Variants in CTNNA2 observed in about 807,000 individuals in gnomAD.
CTNNA2 encodes catenin alpha-2.
Under a neutral mutation model 101.0 loss-of-function variants are expected in CTNNA2, and 42 were observed. The observed-to-expected ratio is 0.42, with a 90% confidence interval of 0.32 to 0.54. The LOEUF (loss-of-function observed/expected upper bound fraction) is 0.54, where lower values mean the gene tolerates loss of function less well. CTNNA2 is among the 20% of genes least tolerant of loss of function. The probability of loss-of-function intolerance (pLI) is 0.14; values close to 1 mark genes in which losing one functional copy is unlikely to be tolerated. For missense variants in CTNNA2, 871 were observed against 1,223.1 expected, an observed-to-expected ratio of 0.71 and a Z score of 4.29; for synonymous variants, 450 against 456.4, an observed-to-expected ratio of 0.99 and a Z score of 0.18.
At chr2:79,685,596 C>G (rs557263828) in intron 2 of CTNNA2, among the ~76,000 whole-genome samples, 10 of 152,210 alleles carry the variant, frequency 6.6e-5, no homozygotes, top group African/African-American at 2.2e-4. Context: ...AGTGTCCTTA[C>G]GGAGATAGCC....
chr2:79,210,189 G>A (rs1205228251), intron 2 of CTNNA2, among the ~76,000 whole-genome samples: 2 of 150,832 alleles, frequency 1.3e-5, no homozygotes, highest in Non-Finnish European at 2.9e-5. Flanking sequence ...TTAACATCTC[G>A]CACAATGTTG....
intron 2 of CTNNA2, among the ~76,000 whole-genome samples, chr2:79,741,734 CTTGT>C (rs1281816993): frequency 3.9e-5 from 6 of 152,008 alleles, no homozygotes; most frequent in African/African-American, 1.2e-4. Context: ...AGTAGTTGGA[CTTGT>C]TTGTCTTTCA....
At position 79,224,239 on chromosome 2, in the gene CTNNA2, C is replaced by A. The variant is rs1674381089; in HGVS notation, c.-406+26163C>A. Among the ~76,000 whole-genome samples, 3 of 152,052 alleles carry A rather than the reference C, an allele frequency of 2.0e-5. No homozygotes were observed. The South Asian group carries it at 6.2e-4, about 32-fold the overall frequency. ...ACAGCCTCAAATATTTTAATGATTC[C>A]TTTCCCATTAATGAGTAAGATCAAA... On this transcript the variant is annotated intron_variant, in intron 2 of 21. Coordinates refer to the CTNNA2 transcript ENST00000466387.
At chr2:79,558,199 G>A (rs988540515) in intron 1 of CTNNA2, among the ~76,000 whole-genome samples, 1 of 151,894 alleles carries the variant, frequency 6.6e-6, no homozygotes, top group African/African-American at 2.4e-5. Context: ...ATGCCCACAA[G>A]TGTTCTTAAG....
chr2:80,416,323 A>G (rs1680044021), intron 8 of CTNNA2, among the ~76,000 whole-genome samples: 1 of 152,208 alleles, frequency 6.6e-6, no homozygotes, highest in South Asian at 2.1e-4. Flanking sequence ...TCAAATCATC[A>G]TGTTATACAC....
intron 7 of CTNNA2, among the ~76,000 whole-genome samples, chr2:80,354,739 C>T (rs1302117427): frequency 6.6e-6 from 1 of 152,052 alleles, no homozygotes; most frequent in Non-Finnish European, 1.5e-5. Context: ...TAGAGCTGTT[C>T]TCTGGAAGTG....
At chr2:80,307,409 TC>T (rs1677132139) in intron 7 of CTNNA2, among the ~76,000 whole-genome samples, 1 of 152,102 alleles carries the variant, frequency 6.6e-6, no homozygotes, top group African/African-American at 2.4e-5. Flanking sequence ...CCACAGCAAG[TC>T]GATATGGCTG....
chr2:79,886,751 A>C (rs1356805106), intron 6 of CTNNA2, among the ~76,000 whole-genome samples: 5 of 28,624 alleles, frequency 1.7e-4, no homozygotes, highest in African/African-American at 2.4e-4. Flanking sequence ...ACTCCATCTC[A>C]AAAAAAAAAA....
chr2:79,419,027 C>G (rs751297784), intron 4 of CTNNA2, among the ~76,000 whole-genome samples: 22 of 151,182 alleles, frequency 1.5e-4, no homozygotes, highest in Non-Finnish European at 2.9e-4. Context: ...AGCTCTCACT[C>G]CTTTTGGAGC....
chr2:79,960,658 T>A (rs955011466), intron 7 of CTNNA2, among the ~76,000 whole-genome samples: 3 of 152,224 alleles, frequency 2.0e-5, no homozygotes, highest in Admixed American at 2.0e-4. Context: ...ACAAAGACCT[T>A]AAACATTACA....
rs116881814 is a variant in CTNNA2 at position 79,384,249 on chromosome 2, G to A, written c.-135+10236G>A. On this transcript the variant is annotated intron_variant, in intron 4 of 21. Transcript: ENST00000466387. ...TCCAGCTTAAACATCTCTTTTCTCAGTCTTAAAGTAACTACTGAATCTTCT... is the reference window on the plus strand; with the variant it reads ...TCCAGCTTAAACATCTCTTTTCTCAATCTTAAAGTAACTACTGAATCTTCT... Among the ~76,000 whole-genome samples the A allele has an allele frequency of 9.3e-3, 1,412 of 152,240 alleles. 56 individuals carry two copies. In the East Asian group the frequency reaches 0.11, roughly 12 times the overall value.
At chr2:80,442,577 C>T (rs1447810346) in intron 9 of CTNNA2, among the ~76,000 whole-genome samples, 1 of 152,138 alleles carries the variant, frequency 6.6e-6, no homozygotes, top group Non-Finnish European at 1.5e-5. Context: ...TTCCCAATGC[C>T]ATGGCTTGAG....
At chr2:80,052,602 TCTTA>T (rs1318514274) in intron 7 of CTNNA2, among the ~76,000 whole-genome samples, 12 of 152,198 alleles carry the variant, frequency 7.9e-5, no homozygotes, top group African/African-American at 2.9e-4. Context: ...GTGAAGCTCT[TCTTA>T]CTTCAAATAG....
chr2:79,659,994 A>G lies in CTNNA2; in HGVS notation c.102+8336A>G, dbSNP rs550821287. 1.6e-4 allele frequency among the ~76,000 whole-genome samples: 24 copies of G among 152,294 alleles called. No individual in the cohort carries two copies. The East Asian group carries it at 4.6e-3, about 29-fold the overall frequency. On this transcript the variant is annotated intron_variant, in intron 2 of 18. Coordinates refer to ENST00000402739, the MANE Select transcript of CTNNA2 (RefSeq NM_001282597.3). ...AGCAACAGCATGAGATCCCATCTCT[A>G]AAAAGAATAATAATAAAACTTGGGG... is the stretch of plus-strand genomic sequence containing the variant.
rs1369493217 is a variant in CTNNA2 at position 80,604,104 on chromosome 2, T to C, written c.2220T>C (p.Asp740=). ...AAGGCCCATTGAAAAATACATCTGA[T>C]GTCATTAATGCTGCCAAGAAAATTG... ...RGKGPLKNTS[D]VINAAKKIAE... is the part of the protein sequence containing the mutation. The change falls in exon 16 of 19, where the codon GAT becomes GAC. Residue 740 remains aspartate (D), a synonymous_variant. Coordinates refer to ENST00000402739, the MANE Select transcript of CTNNA2 (RefSeq NM_001282597.3). The C allele has an allele frequency of 6.2e-7, 1 of 1,613,088 alleles. No individual in the cohort carries two copies. Among genetic ancestry groups the C allele is most frequent in the Admixed American group, 1.7e-5 (1 of 59,852 alleles).
intron 4 of CTNNA2, among the ~76,000 whole-genome samples, chr2:79,376,559 T>C (rs1482431796): frequency 6.6e-6 from 1 of 152,116 alleles, no homozygotes; most frequent in African/African-American, 2.4e-5. Context: ...TATGTATACA[T>C]GTGCCATGTT....
chr2:79,768,173 A>G (rs77195893), intron 3 of CTNNA2, among the ~76,000 whole-genome samples: 22,000 of 151,324 alleles, frequency 0.15, 1,834 homozygotes, highest in Admixed American at 0.21. Flanking sequence ...TTCTTCTCTA[A>G]CAGGACAGCA....
At chr2:79,338,587 T>TTCC (rs1677055657) in intron 3 of CTNNA2, among the ~76,000 whole-genome samples, 1 of 104,286 alleles carries the variant, frequency 9.6e-6, no homozygotes, top group Non-Finnish European at 2.0e-5. Flanking sequence ...CATCTTCTTC[T>TTCC]TCTTCTTCTT....
chr2:80,041,479 A>G (rs1363372486), intron 7 of CTNNA2, among the ~76,000 whole-genome samples: 2 of 152,194 alleles, frequency 1.3e-5, no homozygotes, highest in South Asian at 2.1e-4. Context: ...AGCACCCAAT[A>G]TAACTGCTGC....
Sources: gnomAD v4.1 joint callset for allele counts (sites outside exome capture counted in the v4.1 genomes callset) on GRCh38, gnomAD v4.1.1 for gene constraint, MANE v1.5 for transcripts, NCBI Gene and HGNC (gene_info 2026-07-23, HGNC 2026-07-21) for gene names.